SPTBN1: variants seen among roughly 807,000 people sequenced by gnomAD.
The protein encoded by SPTBN1 is spectrin beta, non-erythrocytic 1.
Under a neutral mutation model 266.4 loss-of-function variants are expected in SPTBN1, and 32 were observed. The observed-to-expected ratio is 0.12, with a 90% CI of 0.09 to 0.16. The LOEUF is 0.16. SPTBN1 is among the 10% of genes least tolerant of loss of function. The pLI, the probability that SPTBN1 is intolerant of heterozygous loss-of-function variation, is 1.00. For missense variants in SPTBN1, 2,296 were observed against 3,067.1 expected (o/e 0.75, Z 5.94); for synonymous variants, 1,336 against 1,162.2 (o/e 1.15, Z -3.04).
Position 54,671,084 on chromosome 2 carries a change from T to G in SPTBN1, c.*2515T>G, listed in dbSNP as rs1005814289. 13 of 327,730 alleles carry G rather than the reference T, an allele frequency of 4.0e-5. No individual in the cohort carries two copies. Among genetic ancestry groups the G allele is most frequent in the Middle Eastern group, 7.8e-4 (1 of 1,286 alleles). The allele number at this position is 327,730 out of a possible 1,614,324, so 20.3% of individuals were successfully genotyped here. On this transcript the variant is annotated 3_prime_UTR_variant, in exon 36 of 36. Coordinates refer to ENST00000356805, the MANE Select transcript of SPTBN1 (RefSeq NM_003128.3). ...ATGGGTGACAATACTGGCCCCTCCA[T>G]AAATCTGAAGAGTAAGAAGTAGTGA...
chr2:54,529,329 G>T, intron 2 of SPTBN1: 1 of 553,108 alleles, frequency 1.8e-6, no homozygotes, highest in Non-Finnish European at 3.3e-6. Context: ...AGATACACTT[G>T]AGACCCTTTT....
At chr2:54,644,088 A>G (rs909505667) in intron 19 of SPTBN1, among the ~76,000 whole-genome samples, 3 of 152,188 alleles carry the variant, frequency 2.0e-5, no homozygotes, top group Non-Finnish European at 4.4e-5. Flanking sequence ...CCGTTGCCCC[A>G]GTTGAGACTA....
At chr2:54,615,856 C>A (rs975158779) in intron 4 of SPTBN1, among the ~76,000 whole-genome samples, 7 of 152,146 alleles carry the variant, frequency 4.6e-5, no homozygotes, top group Non-Finnish European at 1.0e-4. Context: ...TACAAAAAAA[C>A]CGAACTCAGT....
chr2:54,544,694 A>G (rs1672134788), intron 2 of SPTBN1, among the ~76,000 whole-genome samples: 1 of 152,266 alleles, frequency 6.6e-6, no homozygotes, highest in African/African-American at 2.4e-5. Flanking sequence ...ATATAGAGAT[A>G]TAAAATATAT....
At chr2:54,485,385 G>T (rs925150313) in intron 1 of SPTBN1, among the ~76,000 whole-genome samples, 3 of 152,230 alleles carry the variant, frequency 2.0e-5, no homozygotes, top group Non-Finnish European at 4.4e-5. Flanking sequence ...TGGAGACAGG[G>T]TTTCACTGTG....
chr2:54,628,200 G>T lies in SPTBN1; in HGVS notation c.1748G>T (p.Arg583Leu), dbSNP rs563038561. 3.7e-6 allele frequency: 6 copies of T among 1,614,020 alleles called. No homozygotes were observed. The highest frequency in any genetic ancestry group is 5.1e-6 in the Non-Finnish European group (6 of 1,179,940). Residue 583 changes from arginine to leucine, a missense_variant, in exon 13 of 36, where the codon CGG becomes CTG. Transcript: ENST00000356805. The surrounding 1 kb of genome is among the most constrained non-coding windows in gnomAD (Gnocchi z 4.3). ...VEADIGIQAE[R>L]VRGVNASAQK... ...GCAGACATTGGCATCCAGGCAGAGC[G>T]GGTGAGAGGTGTCAATGCCTCCGCC...
intron 1 of SPTBN1, among the ~76,000 whole-genome samples, chr2:54,457,569 T>C (rs1693123832): frequency 1.3e-5 from 2 of 152,146 alleles, no homozygotes. Context: ...GGCGGGGATG[T>C]GCTTTTTTGG....
At position 54,533,351 on chromosome 2, in the gene SPTBN1, TGTGTGTGTG is replaced by T. The variant is rs1182322064; in HGVS notation, c.148+6786_148+6794del. ...TGAAACCCAGGCTAAAGGGGACTAG[TGTGTGTGTG>T]TGTGTGTGTGTGTGTGTGTGTGTGT... On this transcript the variant is annotated intron_variant, in intron 2 of 35. Coordinates refer to ENST00000356805, the MANE Select transcript of SPTBN1 (RefSeq NM_003128.3). This position sits in a 1 kb window ranked among gnomAD's most constrained non-coding sequence, Gnocchi z 4.2. Among the ~76,000 whole-genome samples the T allele has an allele frequency of 9.6e-5, 2 of 20,858 alleles. No homozygotes were observed. The highest frequency in any genetic ancestry group is 2.2e-4 in the Non-Finnish European group (2 of 9,200). The allele number at this position is 20,858 out of a possible 152,430, so 13.7% of individuals were successfully genotyped here.
At chr2:54,498,326 T>A (rs969790575) in intron 1 of SPTBN1, among the ~76,000 whole-genome samples, 2 of 152,234 alleles carry the variant, frequency 1.3e-5, no homozygotes, top group African/African-American at 2.4e-5. Context: ...TTTTAAATTT[T>A]ATTTAATTTA....
intron 3 of SPTBN1, among the ~76,000 whole-genome samples, chr2:54,608,987 T>C (rs549746654): frequency 1.3e-5 from 2 of 152,318 alleles, no homozygotes; most frequent in South Asian, 4.1e-4. Flanking sequence ...CATAAATGTC[T>C]TCATCCTTGT....
At chr2:54,648,004 G>C (rs1295566207) in intron 24 of SPTBN1, among the ~76,000 whole-genome samples, 3 of 152,122 alleles carry the variant, frequency 2.0e-5, no homozygotes, top group Non-Finnish European at 4.4e-5. Flanking sequence ...AAATGAAGGG[G>C]CTCCCAGGAA....
At chr2:54,517,420 CAG>C (rs1203705641) in intron 1 of SPTBN1, among the ~76,000 whole-genome samples, 6 of 150,124 alleles carry the variant, frequency 4.0e-5, no homozygotes, top group African/African-American at 1.5e-4. Flanking sequence ...GTAACATACT[CAG>C]GGAATGAGAA....
intron 17 of SPTBN1, among the ~76,000 whole-genome samples, chr2:54,633,524 G>C (rs371455841): frequency 1.3e-5 from 2 of 152,072 alleles, no homozygotes; most frequent in Admixed American, 1.3e-4. Context: ...CCTTACTCTT[G>C]CCTTGCCCCG....
At chr2:54,561,080 T>A (rs1365395500) in intron 2 of SPTBN1, among the ~76,000 whole-genome samples, 38 of 152,230 alleles carry the variant, frequency 2.5e-4, no homozygotes, top group Non-Finnish European at 1.5e-5. Flanking sequence ...CTCTTCTGAG[T>A]ATAATCTTTC....
rs143417800 is a variant in SPTBN1, at chr2:54,665,138, C to G, written c.6659+447C>G. Among the ~76,000 whole-genome samples the G allele has an allele frequency of 1.3e-3, 202 of 152,234 alleles. 4 individuals are homozygous for G. The South Asian group carries it at 0.037, about 28-fold the overall frequency. On this transcript the variant is annotated intron_variant, in intron 33 of 35. Coordinates refer to ENST00000356805, the MANE Select transcript of SPTBN1 (RefSeq NM_003128.3). ...ACAGATGGGGAACAGAGGCTCTGAG[C>G]GGTTAACAAAGCTTTCTTTCTGTGG... is the stretch of plus-strand genomic sequence containing the variant.
intron 2 of SPTBN1, among the ~76,000 whole-genome samples, chr2:54,544,246 T>G (rs1339087550): frequency 6.6e-6 from 1 of 152,184 alleles, no homozygotes; most frequent in Non-Finnish European, 1.5e-5. Flanking sequence ...ATTGAAAGCT[T>G]CTGATGCCTA....
intron 1 of SPTBN1, among the ~76,000 whole-genome samples, chr2:54,497,523 A>G (rs182429773): frequency 1.6e-4 from 24 of 152,246 alleles, no homozygotes; most frequent in Middle Eastern, 3.4e-3. Flanking sequence ...TTGGTGAAAC[A>G]TTTGAATTCA....
Position 54,645,554 on chromosome 2 carries a change from T to C in SPTBN1, c.4494+101T>C. 2 of 1,317,174 alleles carry C rather than the reference T, an allele frequency of 1.5e-6. No homozygotes were observed. The highest frequency in any genetic ancestry group is 1.0e-6 in the Non-Finnish European group (1 of 958,288). The allele number at this position is 1,317,174 out of a possible 1,614,324, so 81.6% of individuals were successfully genotyped here. ...TCAGTCATCCTCACCTTGGGCCACGTTGGCAAGCTGAGCTGCCAAAGTCCA... is the reference window on the plus strand; with the variant it reads ...TCAGTCATCCTCACCTTGGGCCACGCTGGCAAGCTGAGCTGCCAAAGTCCA... On this transcript the variant is annotated intron_variant, in intron 21 of 35. Transcript: ENST00000356805. This position sits in a 1 kb window ranked among gnomAD's most constrained non-coding sequence, Gnocchi z 4.3.
At chr2:54,620,587 T>G (rs917427095) in intron 7 of SPTBN1, among the ~76,000 whole-genome samples, 1 of 152,170 alleles carries the variant, frequency 6.6e-6, no homozygotes, top group Admixed American at 6.5e-5. Flanking sequence ...AGTTTGAGGC[T>G]GCAGTGAGCT....
Sources: allele counts gnomAD v4.1 joint callset (sites outside exome capture counted in the v4.1 genomes callset), GRCh38; gene constraint gnomAD v4.1.1; non-coding constraint Gnocchi (gnomAD v3.1); transcripts MANE v1.5; gene names NCBI Gene and HGNC (gene_info 2026-07-23, HGNC 2026-07-21).